Variants in SNX9 observed in about 807,000 individuals in gnomAD.
SNX9 encodes sorting nexin-9.
SNX9 carries 44 observed loss-of-function variants against 89.4 expected under a neutral mutation model. That is an observed-to-expected ratio of 0.49 (90% CI 0.39 to 0.63). SNX9 has a LOEUF of 0.63. SNX9 is among the 30% of genes least tolerant of loss of function. The pLI is 0.00. For missense variants in SNX9, 578 were observed against 736.1 expected, an observed-to-expected ratio of 0.79 and a Z score of 2.49; for synonymous variants, 236 against 247.8, an observed-to-expected ratio of 0.95 and a Z score of 0.45.
intron 1 of SNX9, among the ~76,000 whole-genome samples, chr6:157,846,771 G>T (rs1166192403): frequency 6.6e-6 from 1 of 152,194 alleles, no homozygotes; most frequent in Non-Finnish European, 1.5e-5. Context: ...TCTTGGCGGA[G>T]TGTGGTGGCT....
intron 1 of SNX9, among the ~76,000 whole-genome samples, chr6:157,856,612 A>C (rs553510860): frequency 2.0e-4 from 31 of 152,208 alleles, no homozygotes; most frequent in Non-Finnish European, 3.4e-4. Flanking sequence ...GCATATTACT[A>C]TCACGATCAA....
intron 4 of SNX9, among the ~76,000 whole-genome samples, chr6:157,890,346 AT>A (rs1782832139): frequency 6.6e-6 from 1 of 152,210 alleles, no homozygotes; most frequent in African/African-American, 2.4e-5. Flanking sequence ...TTCTGAAGAA[AT>A]TTAGCTAATG....
intron 4 of SNX9, among the ~76,000 whole-genome samples, chr6:157,891,928 C>T (rs753007317): frequency 7.2e-5 from 11 of 152,124 alleles, no homozygotes; most frequent in South Asian, 2.1e-4. Context: ...GAATGCAGCA[C>T]GAGGCAAAGT....
chr6:157,865,141 C>T (rs1006757176), intron 1 of SNX9, among the ~76,000 whole-genome samples: 1 of 152,090 alleles, frequency 6.6e-6, no homozygotes, highest in Admixed American at 6.5e-5. Context: ...GAGTTTGAGA[C>T]CAGCCTGACC....
At chr6:157,908,594 G>A (rs1783267375) in intron 7 of SNX9, among the ~76,000 whole-genome samples, 1 of 152,292 alleles carries the variant, frequency 6.6e-6, no homozygotes, top group Middle Eastern at 3.4e-3. Flanking sequence ...GATTCCAGAA[G>A]CCTGTACATG....
intron 16 of SNX9, among the ~76,000 whole-genome samples, chr6:157,939,142 A>G (rs565971912): frequency 1.3e-5 from 2 of 151,284 alleles, no homozygotes; most frequent in East Asian, 4.0e-4. Context: ...TTTTTGTGTC[A>G]AGAAAAAAAA....
At chr6:157,829,587 G>T (rs1425736667) in intron 1 of SNX9, 1 of 152,106 alleles carries the variant, frequency 6.6e-6, no homozygotes, top group Non-Finnish European at 1.5e-5. Flanking sequence ...CTGATCCTCT[G>T]TCTACTTGAT....
chr6:157,892,231 T>C (rs1431121520), intron 4 of SNX9, among the ~76,000 whole-genome samples: 1 of 151,842 alleles, frequency 6.6e-6, no homozygotes, highest in Non-Finnish European at 1.5e-5. Context: ...CCAAGGGGAT[T>C]TGGGAGTTGA....
chr6:157,885,480 C>T (rs1390542414), intron 4 of SNX9: 2 of 152,160 alleles, frequency 1.3e-5, no homozygotes, highest in African/African-American at 4.8e-5. Context: ...AATATTATAA[C>T]CTCTTCAGTC....
In SNX9 at chr6:157,906,334, T is replaced by G. The variant is rs1174828283; in HGVS notation, c.705+122T>G. The G allele has an allele frequency of 4.4e-6, 3 of 688,114 alleles. No homozygotes were observed. The East Asian group carries it at 9.1e-5, about 21-fold the overall frequency. The allele number at this position is 688,114 out of a possible 1,614,324, so 42.6% of individuals were successfully genotyped here. A position where few individuals can be genotyped will look rare whatever the true frequency, so the allele number is the denominator to read the frequency against. On this transcript the variant is annotated intron_variant, in intron 7 of 17. Coordinates refer to ENST00000392185, the MANE Select transcript of SNX9 (RefSeq NM_016224.5). ...TTTTAAATATATTTAATGCCCCACATAACTGATAATATATGTTAGTGTTGT... is the reference window on the plus strand; with the variant it reads ...TTTTAAATATATTTAATGCCCCACAGAACTGATAATATATGTTAGTGTTGT...
chr6:157,917,470 C>T (rs1352388882), intron 9 of SNX9, among the ~76,000 whole-genome samples: 1 of 152,086 alleles, frequency 6.6e-6, no homozygotes, highest in Non-Finnish European at 1.5e-5. Context: ...TCTATAAAGT[C>T]TACCTTATTG....
chr6:157,823,649 A>G lies in SNX9; in HGVS notation c.12+203A>G, dbSNP rs1170927749. On this transcript the variant is annotated intron_variant, in intron 1 of 17. Transcript: ENST00000392185. The surrounding 1 kb of genome is among the most constrained non-coding windows in gnomAD (Gnocchi z 4.6). ...CGGCGGGCAGTGCAGACAGACCACC[A>G]GGATCGCACCGGGGGACGGCGTCGG... is the stretch of plus-strand genomic sequence containing the variant. 2.0e-5 allele frequency among the ~76,000 whole-genome samples: 3 copies of G among 151,846 alleles called. No individual in the cohort carries two copies. The East Asian group carries it at 5.8e-4, about 29-fold the overall frequency.
chr6:157,840,428 C>CT (rs59769554), intron 1 of SNX9, among the ~76,000 whole-genome samples: 1 of 144,002 alleles, frequency 6.9e-6, no homozygotes, highest in Non-Finnish European at 1.5e-5. Context: ...TCTTTTCTTT[C>CT]TTTTCTTTCC....
chr6:157,838,111 C>T (rs574727751), intron 1 of SNX9, among the ~76,000 whole-genome samples: 3 of 152,080 alleles, frequency 2.0e-5, no homozygotes, highest in Admixed American at 1.3e-4. Context: ...TTCCCGGGCT[C>T]GAACAATCTT....
intron 9 of SNX9, among the ~76,000 whole-genome samples, chr6:157,913,253 GT>G (rs1267216220): frequency 5.3e-5 from 8 of 151,788 alleles, no homozygotes; most frequent in African/African-American, 1.2e-4. Context: ...CACTTTTTAG[GT>G]AATAAAAGTT....
intron 1 of SNX9, among the ~76,000 whole-genome samples, chr6:157,837,501 G>A (rs1333458063): frequency 6.6e-6 from 1 of 152,154 alleles, no homozygotes. Context: ...TGTAAATCCA[G>A]TTTTTAATGT....
At chr6:157,936,853 C>A (rs184191243) in intron 14 of SNX9, among the ~76,000 whole-genome samples, 231 of 152,252 alleles carry the variant, frequency 1.5e-3, no homozygotes, top group African/African-American at 5.3e-3. Flanking sequence ...TAAGAAGAAT[C>A]TAAGTTATTT....
At chr6:157,897,475 C>CT (rs1783004564) in intron 5 of SNX9, among the ~76,000 whole-genome samples, 1 of 152,056 alleles carries the variant, frequency 6.6e-6, no homozygotes, top group Admixed American at 6.5e-5. Context: ...AGGATTTTTA[C>CT]GGCGGTTTCA....
chr6:157,914,615 T>A (rs563947812), intron 9 of SNX9, among the ~76,000 whole-genome samples: 18 of 151,828 alleles, frequency 1.2e-4, no homozygotes, highest in African/African-American at 4.1e-4. Flanking sequence ...TAGCTGGGAC[T>A]ACAGGCTCTC....
Sources: gnomAD v4.1 joint callset for allele counts (sites outside exome capture counted in the v4.1 genomes callset) on GRCh38, gnomAD v4.1.1 for gene constraint, Gnocchi (gnomAD v3.1) non-coding constraint, MANE v1.5 for transcripts, NCBI Gene and HGNC (gene_info 2026-07-23, HGNC 2026-07-21) for gene names.